PASK: variants seen among roughly 807,000 people sequenced by gnomAD.
PASK encodes PAS domain containing serine/threonine kinase.
Under a neutral mutation model 121.0 loss-of-function variants are expected in PASK, and 110 were observed. That is an observed-to-expected ratio of 0.91 (90% CI 0.78 to 1.06). The LOEUF is 1.06. Ranked by LOEUF, PASK falls within the 50% of genes least tolerant of loss-of-function variation. The pLI is 0.00. For missense variants in PASK, 1,643 were observed against 1,702.3 expected (o/e 0.97, Z 0.61); for synonymous variants, 686 against 717.8 (o/e 0.96, Z 0.71).
chr2:241,119,976 A>G (rs533913697), intron 12 of PASK, among the ~76,000 whole-genome samples: 1 of 152,150 alleles, frequency 6.6e-6, no homozygotes, highest in Admixed American at 6.5e-5. Context: ...GAAAGTCCTT[A>G]CCTCCTATAA....
At position 241,140,040 on chromosome 2, in the gene PASK, C is replaced by T. The variant is rs1303972970; in HGVS notation, c.445G>A (p.Asp149Asn). Residue 149 changes from aspartate to asparagine, a missense_variant, in exon 4 of 18, where the codon GAC becomes AAC. Asp to Asn is a conservative substitution (Grantham distance 23). This residue lies in a region of PASK where 1,176 missense variants were observed against 1,162.2 expected (regional missense o/e 1.01). Coordinates refer to ENST00000234040, the MANE Select transcript of PASK (RefSeq NM_015148.4). ...TACCCCAGGAGCCCGCAAGCTTTGT[C>T]GTTAGCAACCAGGATCTGAGGAATC... ...AKTTEILVAN[D>N]KACGLLGYSS... 5.0e-6 allele frequency: 8 copies of T among 1,613,970 alleles called. No homozygotes were observed. Among genetic ancestry groups the T allele is most frequent in the East Asian group, 4.5e-5 (2 of 44,882 alleles).
chr2:241,110,220 C>T (rs1029484857), intron 15 of PASK, among the ~76,000 whole-genome samples: 4 of 152,166 alleles, frequency 2.6e-5, no homozygotes, highest in Admixed American at 6.5e-5. Flanking sequence ...AAATGCTGTA[C>T]GATTCCACGT....
intron 16 of PASK, 48 bp from the exon 17 acceptor site, chr2:241,107,547 G>A: frequency 6.3e-7 from 1 of 1,584,542 alleles, no homozygotes; most frequent in Non-Finnish European, 8.7e-7. Context: ...GGGATGAAGT[G>A]GAGCACATCT....
At chr2:241,122,701 C>T (rs376847314) in intron 12 of PASK, 31 bp downstream of exon 12, 67 of 1,603,564 alleles carry the variant, frequency 4.2e-5, no homozygotes, top group Middle Eastern at 1.7e-4. Context: ...AAGTGGTGCC[C>T]GGCGCCACTC....
chr2:241,131,087 A>AG, intron 9 of PASK, among the ~76,000 whole-genome samples: 1 of 152,256 alleles, frequency 6.6e-6, no homozygotes, highest in Non-Finnish European at 1.5e-5. Flanking sequence ...GAAGACGGCC[A>AG]GGGGAACTAT....
At chr2:241,134,381 C>T (rs1356050573) in intron 8 of PASK, 8 of 152,220 alleles carry the variant, frequency 5.3e-5, no homozygotes, top group Non-Finnish European at 1.2e-4. Flanking sequence ...GAACCACATG[C>T]TAAGGAAAGC....
At chr2:241,116,303 G>A (rs1198792347) in intron 12 of PASK, among the ~76,000 whole-genome samples, 5 of 152,250 alleles carry the variant, frequency 3.3e-5, no homozygotes, top group Non-Finnish European at 7.3e-5. Context: ...TGCAGCACAA[G>A]GAAGCACAGA....
intron 15 of PASK, among the ~76,000 whole-genome samples, chr2:241,110,437 G>A (rs565098202): frequency 6.6e-6 from 1 of 152,350 alleles, no homozygotes; most frequent in Non-Finnish European, 1.5e-5. Context: ...GAGATGGGGA[G>A]AGGACGCAGG....
Position 241,149,407 on chromosome 2 carries a change from A to C in PASK, c.-43+7T>G. The stretch of plus-strand genomic sequence containing the variant: ...CCGGCCCGCTCTCCCGAGCGCAGGT[A>C]TCTCACCTGGATCAGGCGAGGGTCA... On this transcript the variant is annotated splice_region_variant and intron_variant, in intron 1 of 17. Transcript: ENST00000234040. The C allele has an allele frequency of 2.2e-5, 10 of 453,092 alleles. No individual in the cohort carries two copies. Among genetic ancestry groups the C allele is most frequent in the Middle Eastern group, 6.0e-4 (1 of 1,658 alleles). The allele number at this position is 453,092 out of a possible 1,614,324, so 28.1% of individuals were successfully genotyped here.
Position 241,123,989 on chromosome 2 carries a change from T to G in PASK, c.2864A>C (p.His955Pro). ...LFLASLPGST[H>P]STAAELTGPS... ...TCCGGTGAGCTCAGCAGCGGTAGAG[T>G]GGGTGGAGCCGGGCAGGCTGGCAAG... Residue 955 changes from histidine to proline, a missense_variant, in exon 11 of 18, where the codon CAC becomes CCC. This residue lies in a region of PASK where 453 missense variants were observed against 511.2 expected (regional missense o/e 0.89). Transcript: ENST00000234040. The G allele has an allele frequency of 6.2e-7, 1 of 1,613,660 alleles. No individual in the cohort carries two copies. The highest frequency in any genetic ancestry group is 8.5e-7 in the Non-Finnish European group (1 of 1,179,974).
chr2:241,144,838 G>GC (rs1373092592), intron 1 of PASK, among the ~76,000 whole-genome samples: 1 of 152,158 alleles, frequency 6.6e-6, no homozygotes, highest in Non-Finnish European at 1.5e-5. Context: ...GGCCATACTG[G>GC]CCATCTTTGG....
chr2:241,131,885 C>T lies in PASK; in HGVS notation c.1463+989G>A, dbSNP rs568661516. ...TCTGGCCAACATAGTGAAACCCCGC[C>T]TCTAGTAAAAATACAAAAATTAGCC... On this transcript the variant is annotated intron_variant, in intron 9 of 17. Coordinates refer to ENST00000234040, the MANE Select transcript of PASK (RefSeq NM_015148.4). Among the ~76,000 whole-genome samples, 4 of 151,460 alleles carry T rather than the reference C, an allele frequency of 2.6e-5. No homozygotes were observed. The South Asian group carries it at 8.4e-4, about 32-fold the overall frequency.
At chr2:241,137,356 G>A (rs575420574) in intron 6 of PASK, 92 bp from the exon 7 acceptor site, 20 of 1,012,460 alleles carry the variant, frequency 2.0e-5, no homozygotes, top group Middle Eastern at 2.6e-4. Flanking sequence ...TCTACCCCAC[G>A]TCATCGGGGA....
intron 1 of PASK, among the ~76,000 whole-genome samples, chr2:241,147,463 A>T (rs2067006461): frequency 6.6e-6 from 1 of 152,018 alleles, no homozygotes; most frequent in Admixed American, 6.6e-5. Context: ...ACAAAAAAAA[A>T]ATTAAAAATT....
chr2:241,111,259 G>GT (rs2065100773), intron 15 of PASK, among the ~76,000 whole-genome samples: 1 of 152,196 alleles, frequency 6.6e-6, no homozygotes, highest in Admixed American at 6.5e-5. Flanking sequence ...TGCCTCTCCT[G>GT]TGGGGGCAGC....
chr2:241,131,125 A>T (rs1247333667), intron 9 of PASK, among the ~76,000 whole-genome samples: 1 of 152,008 alleles, frequency 6.6e-6, no homozygotes, highest in Non-Finnish European at 1.5e-5. Context: ...TTCTATAATT[A>T]AAAAAACACA....
chr2:241,126,338 G>A lies in PASK; in HGVS notation c.2577C>T (p.Cys859=). The stretch of plus-strand genomic sequence containing the variant: ...TCAGCCTTGGCTCCTCTGCTGATGG[G>A]CACGTGTCCTCAGGGCCAGCATCCA... ...STLDAGPEDT[C]PSAEEPRLNV... The change falls in exon 10 of 18, where the codon TGC becomes TGT. Residue 859 remains cysteine, a synonymous_variant. Transcript: ENST00000234040. 6.2e-7 allele frequency: 1 copy of A among 1,614,242 alleles called. No individual in the cohort carries two copies. The highest frequency in any genetic ancestry group is 1.1e-5 in the South Asian group (1 of 91,088).
intron 2 of PASK, among the ~76,000 whole-genome samples, chr2:241,141,531 C>T (rs906127454): frequency 2.0e-5 from 3 of 152,156 alleles, no homozygotes; most frequent in African/African-American, 7.2e-5. Context: ...CCTCGGGCAC[C>T]TGGGCTCCCC....
At chr2:241,113,056 C>T (rs2065172627) in intron 14 of PASK, among the ~76,000 whole-genome samples, 1 of 152,218 alleles carries the variant, frequency 6.6e-6, no homozygotes, top group African/African-American at 2.4e-5. Context: ...AAACGGGCTT[C>T]GTTCCCACGG....
Sources: allele counts gnomAD v4.1 joint callset (sites outside exome capture counted in the v4.1 genomes callset), GRCh38; gene constraint gnomAD v4.1.1; regional missense constraint gnomAD v4.1.1; transcripts MANE v1.5; gene names NCBI Gene and HGNC (gene_info 2026-07-23, HGNC 2026-07-21).